The following PCSK5 variants were observed in gnomAD, a reference collection of about 807,000 sequenced individuals.
The protein encoded by PCSK5 is proprotein convertase subtilisin/kexin type 5.
PCSK5 carries 129 observed loss-of-function variants against 233.2 expected under a neutral mutation model. The ratio of observed to expected loss-of-function variants is 0.55; its 90% CI spans 0.48 to 0.64. The LOEUF is 0.64. Among genes scored for constraint, PCSK5 ranks in the 30% least tolerant of loss-of-function variants. The pLI is 0.00. For missense variants in PCSK5, 2,076 were observed against 2,430.1 expected, an observed-to-expected ratio of 0.85 and a Z score of 3.06; for synonymous variants, 825 against 879.2, an observed-to-expected ratio of 0.94 and a Z score of 1.09.
At chr9:76,352,284 G>A (rs539499759) in intron 36 of PCSK5, among the ~76,000 whole-genome samples, 2 of 152,294 alleles carry the variant, frequency 1.3e-5, no homozygotes, top group South Asian at 4.1e-4. Context: ...GTAGCAGTGA[G>A]AACCATCAGA....
intron 24 of PCSK5, among the ~76,000 whole-genome samples, chr9:76,260,033 G>A (rs1042212987): frequency 7.9e-5 from 12 of 152,144 alleles, no homozygotes; most frequent in African/African-American, 2.7e-4. Context: ...TTTTTCATAA[G>A]TTTTCATTTG....
intron 14 of PCSK5, 71 bp downstream of exon 14, chr9:76,175,200 CAGAAT>C (rs1823520677): frequency 7.8e-7 from 1 of 1,280,986 alleles, no homozygotes; most frequent in Non-Finnish European, 1.1e-6. Flanking sequence ...CATGGGAGAA[CAGAAT>C]GGAATGGAAT....
At chr9:76,109,978 G>C (rs1332597173) in intron 9 of PCSK5, among the ~76,000 whole-genome samples, 1 of 152,120 alleles carries the variant, frequency 6.6e-6, no homozygotes, top group East Asian at 1.9e-4. Flanking sequence ...GGCTGCAGTT[G>C]CTCTAAAACT....
intron 24 of PCSK5, among the ~76,000 whole-genome samples, 182 bp from the exon 25 acceptor site, chr9:76,292,051 T>C (rs1828293169): frequency 6.6e-6 from 1 of 152,180 alleles, no homozygotes; most frequent in Admixed American, 6.5e-5. Context: ...TAAAGATAAA[T>C]CCTAGTGTAC....
Position 76,328,123 on chromosome 9 carries a change from C to T in PCSK5, c.4454C>T (p.Ser1485Phe), listed in dbSNP as rs114234833. ...SCMANEKCSP[S>F]EYWDEDAPGC... ...ATGGCCAACGAGAAGTGCTCACCCT[C>T]CGAGTACTGGGATGAGGATGCTCCC... The change falls in exon 33 of 38, where the codon TCC (serine) becomes TTC (phenylalanine). Residue 1485 changes from serine to phenylalanine, a missense_variant. By Grantham distance (155) the Ser-to-Phe change is radical. Transcript: ENST00000674117. 2.4e-3 allele frequency: 3,801 copies of T among 1,612,712 alleles called. 81 individuals are homozygous for T. The African/African-American group carries it at 0.043, about 18-fold the overall frequency.
intron 1 of PCSK5, among the ~76,000 whole-genome samples, chr9:75,918,459 C>A (rs1823102777): frequency 1.3e-5 from 2 of 152,238 alleles, no homozygotes; most frequent in Admixed American, 1.3e-4. Flanking sequence ...CCCAGGGCCA[C>A]ACTTTGAGAG....
At chr9:76,124,165 G>A (rs1832751150) in intron 9 of PCSK5, among the ~76,000 whole-genome samples, 1 of 152,056 alleles carries the variant, frequency 6.6e-6, no homozygotes. Flanking sequence ...TCAAATTCCT[G>A]TTCTGCTTCT....
At position 76,350,885 on chromosome 9, in the gene PCSK5, T is replaced by C; in HGVS notation, c.5024T>C (p.Ile1675Thr). 6.2e-7 allele frequency: 1 copy of C among 1,609,930 alleles called. No homozygotes were observed. The highest frequency in any genetic ancestry group is 8.5e-7 in the Non-Finnish European group (1 of 1,177,724). The change falls in exon 36 of 38, where the codon ATC becomes ACC. Residue 1675 changes from isoleucine to threonine, a missense_variant. Ile to Thr is a moderately conservative substitution (Grantham distance 89). Transcript: ENST00000674117. ...CVWSYHLMGGICTSDCLVGEY... is the reference protein window; with the variant it reads ...CVWSYHLMGGTCTSDCLVGEY... ...TGGAGTTACCACCTCATGGGAGGGA[T>C]CTGCACCTCGGACTGTCTTGTGGGG...
intron 9 of PCSK5, among the ~76,000 whole-genome samples, chr9:76,132,915 A>G (rs1347995387): frequency 1.3e-5 from 2 of 151,872 alleles, no homozygotes; most frequent in African/African-American, 2.4e-5. Context: ...TATGATTGGG[A>G]AAAAAATGTA....
chr9:76,340,371 C>A (rs75344965), intron 35 of PCSK5, among the ~76,000 whole-genome samples: 165 of 152,116 alleles, frequency 1.1e-3, no homozygotes, highest in African/African-American at 3.8e-3. Flanking sequence ...AATAGCCAGG[C>A]GCGGTGGCTC....
At chr9:76,332,191 G>T (rs1258611763) in intron 33 of PCSK5, among the ~76,000 whole-genome samples, 1 of 152,086 alleles carries the variant, frequency 6.6e-6, no homozygotes, top group Non-Finnish European at 1.5e-5. Context: ...ATGAGATTTG[G>T]GTGGGACACA....
chr9:76,132,820 A>G (rs1296343490), intron 9 of PCSK5, among the ~76,000 whole-genome samples: 1 of 152,100 alleles, frequency 6.6e-6, no homozygotes, highest in Admixed American at 6.6e-5. Flanking sequence ...TTCACATGGA[A>G]AATGAAGGAG....
chr9:76,248,347 G>A (rs918262030), intron 24 of PCSK5, among the ~76,000 whole-genome samples: 2 of 152,020 alleles, frequency 1.3e-5, no homozygotes, highest in Middle Eastern at 3.2e-3. Context: ...GACAATTAGA[G>A]CATTTTTTTT....
intron 7 of PCSK5, among the ~76,000 whole-genome samples, chr9:76,081,765 A>T (rs144606966): frequency 6.6e-6 from 1 of 152,104 alleles, no homozygotes; most frequent in Admixed American, 6.6e-5. Context: ...TCACTTGTTG[A>T]TGGCTCTCCC....
chr9:76,146,554 A>G (rs979715336), intron 10 of PCSK5, among the ~76,000 whole-genome samples: 14 of 151,536 alleles, frequency 9.2e-5, no homozygotes, highest in African/African-American at 2.7e-4. Flanking sequence ...GTATATATAT[A>G]TTGCACATGA....
chr9:76,068,168 C>A, intron 6 of PCSK5, 125 bp downstream of exon 6: 1 of 632,724 alleles, frequency 1.6e-6, no homozygotes, highest in Non-Finnish European at 2.8e-6. Context: ...TAGTGTTCAA[C>A]TATTGCTGGC....
chr9:76,204,492 T>A, intron 20 of PCSK5, among the ~76,000 whole-genome samples: 1 of 151,656 alleles, frequency 6.6e-6, no homozygotes, highest in South Asian at 2.1e-4. Flanking sequence ...TTCTCTCCTC[T>A]ACTCTCTCCC....
At chr9:76,333,704 T>C (rs983248733) in intron 34 of PCSK5, among the ~76,000 whole-genome samples, 12 of 152,328 alleles carry the variant, frequency 7.9e-5, no homozygotes, top group Admixed American at 7.2e-4. Flanking sequence ...ACTGGGAGTT[T>C]CCAGACCCAA....
At chr9:76,197,393 T>A in intron 20 of PCSK5, among the ~76,000 whole-genome samples, 1 of 152,178 alleles carries the variant, frequency 6.6e-6, no homozygotes, top group African/African-American at 2.4e-5. Context: ...TACCCTTCAT[T>A]TTTAAAGAAC....
Sources: gnomAD v4.1 joint callset for allele counts (sites outside exome capture counted in the v4.1 genomes callset) on GRCh38, gnomAD v4.1.1 for gene constraint, MANE v1.5 for transcripts, NCBI Gene and HGNC (gene_info 2026-07-23, HGNC 2026-07-21) for gene names.